AP1G1: variants seen among roughly 807,000 people sequenced by gnomAD.
AP1G1 encodes AP-1 complex subunit gamma-1.
In AP1G1, 7 loss-of-function variants were observed where a neutral mutation model predicts 108.3. The ratio of observed to expected loss-of-function variants is 0.06; its 90% CI spans 0.04 to 0.12. The LOEUF is 0.12. Ranked by LOEUF, AP1G1 falls within the 10% of genes least tolerant of loss-of-function variation. The probability of loss-of-function intolerance (pLI) is 1.00; values close to 1 mark genes in which losing one functional copy is unlikely to be tolerated. For synonymous variants in AP1G1, 379 were observed against 353.5 expected, an observed-to-expected ratio of 1.07 and a Z score of -0.81; for missense variants, 756 against 1,010.7, an observed-to-expected ratio of 0.75 and a Z score of 3.42.
intron 10 of AP1G1, 108 bp downstream of exon 10, chr16:71,761,404 A>G (rs1375079837): frequency 2.4e-6 from 2 of 826,898 alleles, no homozygotes; most frequent in East Asian, 2.6e-5. Context: ...ATTCTGAGCT[A>G]AAAGTTCTAA....
intron 21 of AP1G1, among the ~76,000 whole-genome samples, chr16:71,735,655 C>CAAAAA (rs57116084): frequency 8.2e-6 from 1 of 121,670 alleles, no homozygotes; most frequent in South Asian, 2.5e-4. Context: ...GACTCCGTCT[C>CAAAAA]AAAAAAAAAA....
At position 71,733,167 on chromosome 16, in the gene AP1G1, A is replaced by AG; in HGVS notation, c.2368-9dup. 6.2e-7 allele frequency: 1 copy of AG among 1,610,120 alleles called. No individual in the cohort carries two copies. Among genetic ancestry groups the AG allele is most frequent in the South Asian group, 1.1e-5 (1 of 90,926 alleles). The stretch of plus-strand genomic sequence containing the variant: ...CCGCATTCGCAGCTGTTGCTATAAG[A>AG]GGAAAAGAGAAGTGCAAATTATATA... On this transcript the variant is annotated splice_polypyrimidine_tract_variant and intron_variant, in intron 22 of 22. Coordinates refer to ENST00000299980, the MANE Select transcript of AP1G1 (RefSeq NM_001128.6).
chr16:71,807,423 T>G (rs1197802135), intron 1 of AP1G1, among the ~76,000 whole-genome samples: 2 of 152,228 alleles, frequency 1.3e-5, no homozygotes. Context: ...AGAGGGAGAC[T>G]TCGTCTCAAA....
intron 10 of AP1G1, 107 bp downstream of exon 10, chr16:71,761,405 A>G (rs2031078198): frequency 1.2e-6 from 1 of 830,720 alleles, no homozygotes. Flanking sequence ...TTCTGAGCTA[A>G]AAGTTCTAAA....
chr16:71,744,625 G>C (rs2030072069), intron 19 of AP1G1, among the ~76,000 whole-genome samples: 1 of 136,288 alleles, frequency 7.3e-6, no homozygotes, highest in South Asian at 2.3e-4. Context: ...CCAGGCTGCA[G>C]TACACACTGG....
At chr16:71,771,130 T>A (rs1397711839) in intron 5 of AP1G1, 26 bp downstream of exon 5, 9 of 1,417,670 alleles carry the variant, frequency 6.3e-6, no homozygotes, top group Non-Finnish European at 8.9e-6. Context: ...CCTCAATACT[T>A]CATGAATACA....
intron 2 of AP1G1, among the ~76,000 whole-genome samples, chr16:71,780,595 C>T (rs2031977275): frequency 6.6e-6 from 1 of 151,114 alleles, no homozygotes; most frequent in Non-Finnish European, 1.5e-5. Context: ...AGGCCTGCAA[C>T]TGATTGGGTA....
intron 1 of AP1G1, among the ~76,000 whole-genome samples, chr16:71,793,949 C>G (rs1288244065): frequency 6.6e-6 from 1 of 152,182 alleles, no homozygotes; most frequent in Non-Finnish European, 1.5e-5. Flanking sequence ...AACTCCTGAG[C>G]TCAAGTGATC....
Position 71,729,717 on chromosome 16 carries a change from C to T in AP1G1, c.*3341G>A, listed in dbSNP as rs1262990874. 1 of 152,624 alleles carries T rather than the reference C, an allele frequency of 6.6e-6. No homozygotes were observed. 9.5% of individuals were successfully genotyped at this position (152,624 alleles called of 1,614,324 possible). On this transcript the variant is annotated 3_prime_UTR_variant, in exon 23 of 23. Coordinates refer to ENST00000299980, the MANE Select transcript of AP1G1 (RefSeq NM_001128.6). ...TCTCTCTCCAATGATCCTACCCACT[C>T]CCAAAGTCATGAATACACAGACATG...
rs1265214800 is a variant in AP1G1 at position 71,729,271 on chromosome 16, T to C, written c.*3787A>G. ...ACAGTAAAGAAGATGTGATGGGGCATAATGAAAATGTAACTTACAACACTA... is the reference window on the plus strand; with the variant it reads ...ACAGTAAAGAAGATGTGATGGGGCACAATGAAAATGTAACTTACAACACTA... On this transcript the variant is annotated 3_prime_UTR_variant, in exon 23 of 23. Transcript: ENST00000299980. The C allele has an allele frequency of 6.6e-6, 1 of 152,300 alleles. No individual in the cohort carries two copies. Among genetic ancestry groups the C allele is most frequent in the Admixed American group, 6.6e-5 (1 of 15,242 alleles). 9.4% of individuals were successfully genotyped at this position (152,300 alleles called of 1,614,324 possible).
chr16:71,739,743 T>C (rs968373852), intron 19 of AP1G1, among the ~76,000 whole-genome samples: 2 of 137,126 alleles, frequency 1.5e-5, no homozygotes, highest in South Asian at 2.2e-4. Flanking sequence ...CGAGACTCTG[T>C]CGCAAAAAAA....
chr16:71,807,669 T>C (rs933536731), intron 1 of AP1G1: 7 of 532,410 alleles, frequency 1.3e-5, no homozygotes, highest in African/African-American at 1.2e-4. Context: ...TCATTACAAG[T>C]ATTTTTTAGA....
At chr16:71,758,465 G>A (rs763657415) in intron 11 of AP1G1, 9 of 531,764 alleles carry the variant, frequency 1.7e-5, no homozygotes, top group East Asian at 5.2e-5. Flanking sequence ...GGATCACTCC[G>A]TACTTTCATC....
At chr16:71,744,195 G>A (rs559469732) in intron 19 of AP1G1, among the ~76,000 whole-genome samples, 2 of 152,190 alleles carry the variant, frequency 1.3e-5, no homozygotes, top group Non-Finnish European at 2.9e-5. Context: ...AGTGAGTCGA[G>A]ATCGTGCCAC....
chr16:71,803,415 T>C (rs1320618676), intron 1 of AP1G1, among the ~76,000 whole-genome samples: 1 of 152,110 alleles, frequency 6.6e-6, no homozygotes, highest in African/African-American at 2.4e-5. Context: ...AAGTACCTAG[T>C]GAAAAAAAGC....
At chr16:71,805,912 G>A (rs1007657082) in intron 1 of AP1G1, among the ~76,000 whole-genome samples, 3 of 151,962 alleles carry the variant, frequency 2.0e-5, no homozygotes, top group Non-Finnish European at 2.9e-5. Context: ...TCCCAGCTAC[G>A]TGGAGGGCTG....
Position 71,739,095 on chromosome 16 carries a change from G to T in AP1G1, c.2115C>A (p.Pro705=), listed in dbSNP as rs745380006. ...CATTCTTACTGTATGCTGTGATGGAGGGGATGCCTGAGAAAGTACAGGAAG... is the reference window on the plus strand; with the variant it reads ...CATTCTTACTGTATGCTGTGATGGATGGGATGCCTGAGAAAGTACAGGAAG... The part of the protein sequence containing the change: ...PLFNDIAAGI[P]SITAYSKNGL... Residue 705 remains proline (P), a synonymous_variant, in exon 21 of 23, where the codon CCC becomes CCA. Transcript: ENST00000299980. 7 of 1,614,042 alleles carry T rather than the reference G, an allele frequency of 4.3e-6. No homozygotes were observed. The East Asian group carries it at 1.6e-4, about 36-fold the overall frequency.
At chr16:71,803,266 G>C (rs921034029) in intron 1 of AP1G1, among the ~76,000 whole-genome samples, 5 of 151,964 alleles carry the variant, frequency 3.3e-5, no homozygotes, top group Admixed American at 6.6e-5. Context: ...AATTACAAAA[G>C]TCACATGTAT....
chr16:71,745,708 G>GATCT (rs969937895), intron 17 of AP1G1, 94 bp from the exon 18 acceptor site: 2 of 1,032,762 alleles, frequency 1.9e-6, no homozygotes, highest in African/African-American at 3.1e-5. Flanking sequence ...CAAGCATGGA[G>GATCT]ATCTATCTCC....
Sources: gnomAD v4.1 joint callset for allele counts (sites outside exome capture counted in the v4.1 genomes callset) on GRCh38, gnomAD v4.1.1 for gene constraint, MANE v1.5 for transcripts, NCBI Gene and HGNC (gene_info 2026-07-23, HGNC 2026-07-21) for gene names.